The following EPHB2 variants were observed in gnomAD, a reference collection of about 807,000 sequenced individuals.
EPHB2 encodes EPH receptor B2.
A neutral mutation model predicts 96.4 loss-of-function variants in EPHB2; 18 were observed. The ratio of observed to expected loss-of-function variants is 0.19; its 90% CI spans 0.13 to 0.28. EPHB2 has a LOEUF of 0.28. Among genes scored for constraint, EPHB2 ranks in the 10% least tolerant of loss-of-function variants. The pLI, the probability that EPHB2 is intolerant of heterozygous loss-of-function variation, is 1.00. For synonymous variants in EPHB2, 506 were observed against 534.1 expected (o/e 0.95, Z 0.72); for missense variants, 989 against 1,355.4 (o/e 0.73, Z 4.25).
intron 1 of EPHB2, among the ~76,000 whole-genome samples, chr1:22,752,707 A>G (rs1644083165): frequency 6.9e-6 from 1 of 145,330 alleles, no homozygotes; most frequent in African/African-American, 2.8e-5. Flanking sequence ...TACATTTTTA[A>G]TATTTTAATA....
chr1:22,885,443 G>A (rs1203111469), intron 6 of EPHB2, among the ~76,000 whole-genome samples: 3 of 152,230 alleles, frequency 2.0e-5, no homozygotes, highest in Non-Finnish European at 2.9e-5. Context: ...CCGCTGCTGG[G>A]GTTGGCAGGA....
At chr1:22,898,156 A>G (rs916308104) in intron 9 of EPHB2, among the ~76,000 whole-genome samples, 29 of 152,082 alleles carry the variant, frequency 1.9e-4, no homozygotes, top group Admixed American at 1.6e-3. Flanking sequence ...AGAAGAAAAG[A>G]AAGAAAGAAA....
intron 6 of EPHB2, among the ~76,000 whole-genome samples, chr1:22,892,203 G>A (rs1301071288): frequency 6.6e-6 from 1 of 152,110 alleles, no homozygotes; most frequent in Non-Finnish European, 1.5e-5. Flanking sequence ...GCTGAACAAG[G>A]GCTCTTACGC....
At chr1:22,778,394 C>T (rs1319071832) in intron 1 of EPHB2, among the ~76,000 whole-genome samples, 1 of 152,198 alleles carries the variant, frequency 6.6e-6, no homozygotes, top group Non-Finnish European at 1.5e-5. Context: ...CTGTTACCTC[C>T]AGAGCCCAGG....
intron 1 of EPHB2, 64 bp from the exon 2 acceptor site, chr1:22,781,357 C>A: frequency 1.4e-6 from 2 of 1,471,916 alleles, no homozygotes; most frequent in Non-Finnish European, 1.9e-6. Flanking sequence ...GATGAGGGCC[C>A]AACAGAAAGA....
intron 6 of EPHB2, chr1:22,891,237 C>T (rs76106716): frequency 1.3e-5 from 6 of 455,502 alleles, no homozygotes; most frequent in African/African-American, 1.2e-4. Flanking sequence ...ATCTTAACCT[C>T]CATGCTATAA....
At chr1:22,809,398 T>C (rs886631367) in intron 3 of EPHB2, among the ~76,000 whole-genome samples, 1 of 152,232 alleles carries the variant, frequency 6.6e-6, no homozygotes, top group African/African-American at 2.4e-5. Context: ...AAGATGTTTT[T>C]CCAAGAGATC....
intron 3 of EPHB2, among the ~76,000 whole-genome samples, chr1:22,818,350 TC>T (rs1450855573): frequency 6.6e-6 from 1 of 152,022 alleles, no homozygotes. Flanking sequence ...GTAGTTACCT[TC>T]CCTCCTGGCC....
intron 1 of EPHB2, among the ~76,000 whole-genome samples, chr1:22,721,426 A>G (rs1398392476): frequency 1.3e-5 from 2 of 152,000 alleles, no homozygotes; most frequent in Non-Finnish European, 2.9e-5. Context: ...TTGATCAGAG[A>G]CTCCAGACTT....
In EPHB2 at chr1:22,892,986, C is replaced by T. The variant is rs759303586; in HGVS notation, c.1531C>T (p.Arg511Cys). The part of the protein sequence containing the change: ...GAIYVFQVRA[R>C]TVAGYGRYSG... ...CATCTATGTCTTCCAGGTGCGGGCA[C>T]GCACCGTGGCAGGTTACGGGCGCTA... The change falls in exon 7 of 16, where the codon CGC (arginine) becomes TGC (cysteine). Residue 511 changes from arginine to cysteine, a missense_variant. Coordinates refer to ENST00000374630, the MANE Select transcript of EPHB2 (RefSeq NM_017449.5). 6.8e-6 allele frequency: 11 copies of T among 1,614,188 alleles called. No homozygotes were observed. Among genetic ancestry groups the T allele is most frequent in the South Asian group, 1.1e-5 (1 of 91,092 alleles).
intron 1 of EPHB2, among the ~76,000 whole-genome samples, chr1:22,738,977 C>T: frequency 6.6e-6 from 1 of 152,176 alleles, no homozygotes. Context: ...TCACCTGGCA[C>T]AGTGAAGCAT....
intron 1 of EPHB2, among the ~76,000 whole-genome samples, chr1:22,717,476 CA>C (rs1643323903): frequency 1.3e-5 from 2 of 152,218 alleles, no homozygotes; most frequent in African/African-American, 4.8e-5. Flanking sequence ...CCCCCTGCTG[CA>C]GCCCCTGTGG....
At chr1:22,866,802 C>T (rs1570410583) in intron 5 of EPHB2, among the ~76,000 whole-genome samples, 2 of 152,018 alleles carry the variant, frequency 1.3e-5, no homozygotes, top group East Asian at 1.9e-4. Flanking sequence ...GGTATGGTCG[C>T]GGGCACCTGT....
At chr1:22,802,215 A>G (rs1644854559) in intron 3 of EPHB2, among the ~76,000 whole-genome samples, 1 of 152,038 alleles carries the variant, frequency 6.6e-6, no homozygotes, top group Non-Finnish European at 1.5e-5. Flanking sequence ...GGGGGAAATG[A>G]TGGCCCAGTT....
intron 3 of EPHB2, among the ~76,000 whole-genome samples, chr1:22,823,446 C>A (rs190590134): frequency 6.6e-6 from 1 of 152,144 alleles, no homozygotes; most frequent in Admixed American, 6.5e-5. Flanking sequence ...GGTTTGTGAA[C>A]CTCCTTTGTG....
chr1:22,813,378 A>G (rs1045287883), intron 3 of EPHB2, among the ~76,000 whole-genome samples: 1 of 152,178 alleles, frequency 6.6e-6, no homozygotes, highest in Non-Finnish European at 1.5e-5. Context: ...TCCACTAGGC[A>G]TGGGATCAAG....
At chr1:22,758,216 C>T (rs1644183316) in intron 1 of EPHB2, among the ~76,000 whole-genome samples, 1 of 151,954 alleles carries the variant, frequency 6.6e-6, no homozygotes, top group South Asian at 2.1e-4. Context: ...CCGCGCCCGG[C>T]CTAAGTTATG....
rs1030790833 is a variant in EPHB2 at position 22,846,943 on chromosome 1, C to T, written c.812-16094C>T. ...CTGGGAGCCCCTTGAGCTGTGGATC[C>T]CTAAGCCCAGCCCAGGCACCAGCCT... On this transcript the variant is annotated intron_variant, in intron 3 of 15. Transcript: ENST00000374630. This position sits in a 1 kb window ranked among gnomAD's most constrained non-coding sequence, Gnocchi z 4.3. 1.3e-5 allele frequency among the ~76,000 whole-genome samples: 2 copies of T among 152,296 alleles called. No individual in the cohort carries two copies. Among genetic ancestry groups the T allele is most frequent in the African/African-American group, 2.4e-5 (1 of 41,570 alleles).
intron 7 of EPHB2, among the ~76,000 whole-genome samples, chr1:22,893,841 A>G (rs989426379): frequency 3.3e-5 from 5 of 152,234 alleles, no homozygotes; most frequent in African/African-American, 1.2e-4. Context: ...CAGATTGTAG[A>G]TAAGTCATAG....
Sources: gnomAD v4.1 joint callset for allele counts (sites outside exome capture counted in the v4.1 genomes callset) on GRCh38, gnomAD v4.1.1 for gene constraint, Gnocchi (gnomAD v3.1) non-coding constraint, MANE v1.5 for transcripts, NCBI Gene and HGNC (gene_info 2026-07-23, HGNC 2026-07-21) for gene names.